SEC16B: variants seen among roughly 807,000 people sequenced by gnomAD.
SEC16B encodes the protein SEC16 homolog B, endoplasmic reticulum export factor.
A neutral mutation model predicts 141.8 loss-of-function variants in SEC16B; 115 were observed. The observed-to-expected ratio is 0.81, with a 90% CI of 0.70 to 0.95. The LOEUF is 0.95. Ranked by LOEUF, SEC16B falls within the 40% of genes least tolerant of loss-of-function variation. The pLI, the probability that SEC16B is intolerant of heterozygous loss-of-function variation, is 0.00. For missense variants in SEC16B, 1,291 were observed against 1,312.3 expected (o/e 0.98, Z 0.25); for synonymous variants, 493 against 492.5 (o/e 1.00, Z -0.01).
rs1218512925 is a variant in SEC16B, at chr1:177,958,877, A to G, written c.1097T>C (p.Leu366Pro). Residue 366 changes from leucine (L) to proline (P), a missense_variant, in exon 9 of 26, where the codon CTG becomes CCG. Leu to Pro is a moderately conservative substitution (Grantham distance 98). This residue lies in a region of SEC16B where 681 missense variants were observed against 675.5 expected (regional missense o/e 1.01). Coordinates refer to ENST00000308284, the MANE Select transcript of SEC16B (RefSeq NM_033127.4). ...ACAAAGGAGAACCAAGAGCTGCCAC[A>G]GTAGAGCTGAGTCTCTGCTCCCCAG... ...ETLGSRDSALLWQLLVLLCRQ... is the reference protein window; with the variant it reads ...ETLGSRDSALPWQLLVLLCRQ... 1 of 1,613,724 alleles carries G rather than the reference A, an allele frequency of 6.2e-7. No homozygotes were observed. The highest frequency in any genetic ancestry group is 1.3e-5 in the African/African-American group (1 of 74,938).
At position 177,961,710 on chromosome 1, in the gene SEC16B, G is replaced by A. The variant is rs1653076285; in HGVS notation, c.667C>T (p.Leu223Phe). 1 of 1,613,868 alleles carries A rather than the reference G, an allele frequency of 6.2e-7. No individual in the cohort carries two copies. Among genetic ancestry groups the A allele is most frequent in the East Asian group, 2.2e-5 (1 of 44,864 alleles). ...NKPSLASESN[L>F]LQQRESGLSS... ...AGACCAGACTCACGCTGCTGGAGAAGGTTGGACTCACTAGCCAATGATGGC... is the reference window on the plus strand; with the variant it reads ...AGACCAGACTCACGCTGCTGGAGAAAGTTGGACTCACTAGCCAATGATGGC... The change falls in exon 6 of 26, where the codon CTT becomes TTT. Residue 223 changes from leucine (L) to phenylalanine (F), a missense_variant. Coordinates refer to ENST00000308284, the MANE Select transcript of SEC16B (RefSeq NM_033127.4).
At chr1:177,975,836 C>T (rs1008664291) in intron 1 of SEC16B, among the ~76,000 whole-genome samples, 1 of 152,194 alleles carries the variant, frequency 6.6e-6, no homozygotes, top group Non-Finnish European at 1.5e-5. Context: ...ATGGAACTCT[C>T]ATGGCCTCAG....
At chr1:177,952,425 A>G (rs1392966716) in intron 11 of SEC16B, among the ~76,000 whole-genome samples, 1 of 152,106 alleles carries the variant, frequency 6.6e-6, no homozygotes, top group Non-Finnish European at 1.5e-5. Flanking sequence ...CCAAGCCCAC[A>G]GCACTCAGTG....
chr1:177,965,400 G>GGTGTGTGTGTGTGTGTGT (rs71108021), intron 3 of SEC16B, among the ~76,000 whole-genome samples: 282 of 151,112 alleles, frequency 1.9e-3, no homozygotes, highest in Middle Eastern at 3.4e-3. Context: ...GATGGGGATT[G>GGTGTGTGTGTGTGTGTGT]GTGTGTGTGT....
chr1:177,980,286 A>AT (rs1227601123), intron 1 of SEC16B, among the ~76,000 whole-genome samples: 1 of 151,996 alleles, frequency 6.6e-6, no homozygotes, highest in Non-Finnish European at 1.5e-5. Flanking sequence ...CCCTGGGAGA[A>AT]TTTTTTTTAA....
rs776254678 is a variant in SEC16B, at chr1:177,940,576, GT to G, written c.2127+33del. On this transcript the variant is annotated intron_variant, in intron 17 of 25. Transcript: ENST00000308284. ...GGTGGGAAGAGGGAAACAAAGGCCA[GT>G]CCCCCCAACGCCCTGGCTCCAATCC... 13 of 1,490,964 alleles carry G rather than the reference GT, an allele frequency of 8.7e-6. No individual in the cohort carries two copies. The South Asian group carries it at 1.5e-4, about 17-fold the overall frequency. 92.4% of individuals were successfully genotyped at this position (1,490,964 alleles called of 1,614,324 possible). A position where few individuals can be genotyped will look rare whatever the true frequency, so the allele number is the denominator to read the frequency against.
chr1:177,957,941 T>C (rs1652746596), intron 10 of SEC16B, among the ~76,000 whole-genome samples, 191 bp downstream of exon 10: 1 of 152,052 alleles, frequency 6.6e-6, no homozygotes, highest in Non-Finnish European at 1.5e-5. Flanking sequence ...CTGGCTTATT[T>C]CATTTAATAG....
At chr1:177,968,459 C>T (rs949157209) in intron 1 of SEC16B, among the ~76,000 whole-genome samples, 1 of 152,174 alleles carries the variant, frequency 6.6e-6, no homozygotes, top group Non-Finnish European at 1.5e-5. Flanking sequence ...AGTTCAAATC[C>T]TAACTCTGCC....
chr1:177,959,407 G>A (rs1305543232), intron 8 of SEC16B: 1 of 225,950 alleles, frequency 4.4e-6, no homozygotes, highest in Non-Finnish European at 8.9e-6. Context: ...AAAATTGTGT[G>A]GCATATATTA....
At chr1:177,936,523 C>T (rs771622800) in intron 19 of SEC16B, among the ~76,000 whole-genome samples, 158 bp from the exon 20 acceptor site, 4 of 152,200 alleles carry the variant, frequency 2.6e-5, no homozygotes, top group Non-Finnish European at 4.4e-5. Context: ...AGAATGCTCA[C>T]GTAGCTCATC....
chr1:177,971,083 CT>C (rs200777874), upstream of SEC16B, among the ~76,000 whole-genome samples: 278 of 145,628 alleles, frequency 1.9e-3, no homozygotes, highest in Admixed American at 3.9e-3. Flanking sequence ...CTAATGGTTT[CT>C]TTTTTTTTTT....
chr1:177,950,882 AAGG>A (rs1652133992), intron 12 of SEC16B, among the ~76,000 whole-genome samples: 1 of 149,370 alleles, frequency 6.7e-6, no homozygotes, highest in Non-Finnish European at 1.5e-5. Flanking sequence ...GGAAGGAAGG[AAGG>A]AGGAAGGAAG....
chr1:177,957,421 G>C (rs983554341), intron 10 of SEC16B, among the ~76,000 whole-genome samples: 2 of 152,026 alleles, frequency 1.3e-5, no homozygotes, highest in South Asian at 4.1e-4. Context: ...ATAAACAACT[G>C]TATATGCAAT....
chr1:177,949,057 G>A (rs907177815), intron 12 of SEC16B, among the ~76,000 whole-genome samples: 3 of 151,984 alleles, frequency 2.0e-5, no homozygotes, highest in Non-Finnish European at 4.4e-5. Context: ...CTAAGATTTG[G>A]AGTTAAAACC....
intron 9 of SEC16B, among the ~76,000 whole-genome samples, 162 bp downstream of exon 9, chr1:177,958,678 G>A (rs536145672): frequency 8.5e-5 from 13 of 152,338 alleles, no homozygotes; most frequent in South Asian, 2.1e-4. Context: ...GAAGATCTGC[G>A]TTAGCAAACT....
At chr1:177,975,842 C>T (rs183265749) in intron 1 of SEC16B, among the ~76,000 whole-genome samples, 1 of 152,292 alleles carries the variant, frequency 6.6e-6, no homozygotes, top group Admixed American at 6.5e-5. Context: ...CTCTCATGGC[C>T]TCAGCCAGTG....
At chr1:177,951,620 A>G (rs1181857481) in intron 12 of SEC16B, among the ~76,000 whole-genome samples, 1 of 152,142 alleles carries the variant, frequency 6.6e-6, no homozygotes, top group Non-Finnish European at 1.5e-5. Context: ...AGTCAGACAG[A>G]CCTGGACAGA....
chr1:177,939,710 G>T lies in SEC16B; in HGVS notation c.2195C>A (p.Thr732Lys), dbSNP rs574269133. ...TRSDISGAGGTTTENTFYQDF... is the reference protein window; with the variant it reads ...TRSDISGAGGKTTENTFYQDF... ...TTCATCATTTTGGGTACCTGTTGTTGTTCCTCCGGCTCCCGAAATATCTGA... is the reference window on the plus strand; with the variant it reads ...TTCATCATTTTGGGTACCTGTTGTTTTTCCTCCGGCTCCCGAAATATCTGA... The change falls in exon 18 of 26, where the codon ACA (threonine) becomes AAA (lysine). Residue 732 changes from threonine (T) to lysine (K), a missense_variant. Physicochemically the swap from Thr to Lys is moderately conservative, Grantham distance 78 (BLOSUM62 -1). Around this residue, in one of 3 missense-constraint regions of SEC16B, gnomAD observed 605 missense variants for 614.1 expected, o/e 0.99. Transcript: ENST00000308284. 6.3e-6 allele frequency: 10 copies of T among 1,593,740 alleles called. No individual in the cohort carries two copies. The highest frequency in any genetic ancestry group is 3.4e-5 in the South Asian group (3 of 87,408).
Position 177,929,144 on chromosome 1 carries a change from A to G in SEC16B, c.*714T>C, listed in dbSNP as rs576694461. 1 of 152,818 alleles carries G rather than the reference A, an allele frequency of 6.5e-6. No individual in the cohort carries two copies. The highest frequency in any genetic ancestry group is 1.5e-5 in the Non-Finnish European group (1 of 68,098). The allele number at this position is 152,818 out of a possible 1,614,324, so 9.5% of individuals were successfully genotyped here. On this transcript the variant is annotated 3_prime_UTR_variant, in exon 26 of 26. Transcript: ENST00000308284. The stretch of plus-strand genomic sequence containing the variant: ...CCATCATTTATTATACTGATGTGCC[A>G]TCCATCTGCATCATTAGGTTCAGTA...
Sources: allele counts gnomAD v4.1 joint callset (sites outside exome capture counted in the v4.1 genomes callset), GRCh38; gene constraint gnomAD v4.1.1; regional missense constraint gnomAD v4.1.1; transcripts MANE v1.5; gene names NCBI Gene and HGNC (gene_info 2026-07-23, HGNC 2026-07-21).